PTPRD: variants seen among roughly 807,000 people sequenced by gnomAD.
PTPRD encodes receptor-type tyrosine-protein phosphatase delta.
Under a neutral mutation model 214.5 loss-of-function variants are expected in PTPRD, and 34 were observed. That is an observed-to-expected ratio of 0.16 (90% CI 0.12 to 0.21). PTPRD has a LOEUF of 0.21. PTPRD is among the 10% of genes least tolerant of loss of function. PTPRD has a pLI of 1.00. For missense variants in PTPRD, 2,545 were observed against 2,398.7 expected, an observed-to-expected ratio of 1.06 and a Z score of -1.27; for synonymous variants, 1,128 against 845.7, an observed-to-expected ratio of 1.33 and a Z score of -5.79.
chr9:8,565,648 C>T (rs1159029258), intron 14 of PTPRD, among the ~76,000 whole-genome samples: 3 of 151,976 alleles, frequency 2.0e-5, no homozygotes, highest in African/African-American at 7.3e-5. Flanking sequence ...CTAAAATGGA[C>T]ATCAAGAGGA....
chr9:9,597,181 TCC>T (rs1243853558), intron 7 of PTPRD, among the ~76,000 whole-genome samples: 1 of 151,816 alleles, frequency 6.6e-6, no homozygotes, highest in Non-Finnish European at 1.5e-5. Flanking sequence ...ATAAAAATCA[TCC>T]TTAAAACAGA....
rs148173779 is a variant in PTPRD, at chr9:10,467,313, G to A, written c.-599-126296C>T. 4.8e-3 allele frequency among the ~76,000 whole-genome samples: 737 copies of A among 152,296 alleles called. 4 individuals are homozygous for A. Among genetic ancestry groups the A allele is most frequent in the Middle Eastern group, 0.014 (4 of 294 alleles). ...TTGTTTTAAGAATCTGTAACAATTT[G>A]CTTGTGAAATATCTGCATAATTCCT... On this transcript the variant is annotated intron_variant, in intron 2 of 45. Transcript: ENST00000381196.
chr9:10,475,691 G>C (rs1030834619), intron 2 of PTPRD, among the ~76,000 whole-genome samples: 1 of 152,028 alleles, frequency 6.6e-6, no homozygotes, highest in Admixed American at 6.6e-5. Flanking sequence ...GAAAATTTCA[G>C]GCCAATATCC....
intron 11 of PTPRD, among the ~76,000 whole-genome samples, chr9:8,913,468 C>G (rs1402661069): frequency 1.3e-5 from 2 of 152,038 alleles, no homozygotes; most frequent in Non-Finnish European, 2.9e-5. Context: ...CCTCAAAAAT[C>G]AAGCAAAGTA....
intron 5 of PTPRD, among the ~76,000 whole-genome samples, chr9:9,872,975 A>C (rs574934336): frequency 1.3e-5 from 2 of 152,268 alleles, no homozygotes; most frequent in South Asian, 4.1e-4. Context: ...ATCAATGTCT[A>C]AGCACTTTAC....
intron 4 of PTPRD, among the ~76,000 whole-genome samples, chr9:9,994,078 G>A (rs73643842): frequency 0.025 from 3,736 of 152,222 alleles, 163 homozygotes; most frequent in African/African-American, 0.085. Context: ...GATACAGAAA[G>A]ATTAATTTAA....
At chr9:9,052,866 G>C (rs190301542) in intron 10 of PTPRD, among the ~76,000 whole-genome samples, 111 of 152,230 alleles carry the variant, frequency 7.3e-4, no homozygotes, top group African/African-American at 2.6e-3. Context: ...AAGTAGCATT[G>C]AAAGTGAATG....
chr9:9,923,904 T>A (rs947716250), intron 5 of PTPRD, among the ~76,000 whole-genome samples: 1 of 151,936 alleles, frequency 6.6e-6, no homozygotes, highest in Non-Finnish European at 1.5e-5. Flanking sequence ...CAGGGAGTCT[T>A]AGAGAGCAAC....
intron 11 of PTPRD, among the ~76,000 whole-genome samples, chr9:8,793,766 T>G (rs755287699): frequency 1.3e-5 from 2 of 152,160 alleles, no homozygotes; most frequent in Non-Finnish European, 1.5e-5. Flanking sequence ...AGTGCTTTAT[T>G]TGGATATTAG....
At chr9:9,654,095 G>A (rs1181566480) in intron 7 of PTPRD, among the ~76,000 whole-genome samples, 1 of 152,076 alleles carries the variant, frequency 6.6e-6, no homozygotes, top group Non-Finnish European at 1.5e-5. Context: ...GCTGGGTTCT[G>A]ATAATTCATT....
intron 12 of PTPRD, among the ~76,000 whole-genome samples, chr9:8,728,837 G>A (rs577037278): frequency 5.8e-4 from 88 of 151,916 alleles, no homozygotes; most frequent in African/African-American, 1.8e-3. Context: ...AAAATTAGCC[G>A]GGCATGGTGG....
chr9:10,099,967 T>G (rs1477138493), intron 3 of PTPRD, among the ~76,000 whole-genome samples: 1 of 151,748 alleles, frequency 6.6e-6, no homozygotes, highest in Non-Finnish European at 1.5e-5. Flanking sequence ...TTGAAATTCA[T>G]CCAGCATATA....
At chr9:8,481,003 G>C (rs1311662315) in intron 30 of PTPRD, among the ~76,000 whole-genome samples, 2 of 151,970 alleles carry the variant, frequency 1.3e-5, no homozygotes, top group Non-Finnish European at 2.9e-5. Context: ...AGCCAGGCGT[G>C]GTGGTGGGCT....
In PTPRD at chr9:9,452,338, T is replaced by C. The variant is rs956993116; in HGVS notation, c.-236-54856A>G. Among the ~76,000 whole-genome samples, 4 of 151,616 alleles carry C rather than the reference T, an allele frequency of 2.6e-5. No homozygotes were observed. The East Asian group carries it at 5.8e-4, about 22-fold the overall frequency. On this transcript the variant is annotated intron_variant, in intron 8 of 45. Coordinates refer to ENST00000381196, the MANE Select transcript of PTPRD (RefSeq NM_002839.4). ...ATATCTTTTAAAACTGAGAACAAAG[T>C]AGTAGAGTTTACTACCAATCATTTC...
At chr9:10,204,216 G>A (rs2099453225) in intron 3 of PTPRD, among the ~76,000 whole-genome samples, 1 of 152,028 alleles carries the variant, frequency 6.6e-6, no homozygotes. Flanking sequence ...TGTACAGCAA[G>A]CTGTCAGATT....
chr9:8,373,612 GGTGTGTGTGT>G (rs36212158), intron 39 of PTPRD, among the ~76,000 whole-genome samples: 7,851 of 141,450 alleles, frequency 0.056, 240 homozygotes, highest in South Asian at 0.16. Context: ...CATGGATGCG[GGTGTGTGTGT>G]GTGTGTGTGT....
intron 11 of PTPRD, among the ~76,000 whole-genome samples, chr9:8,982,354 T>G (rs2154341082): frequency 6.6e-6 from 1 of 152,140 alleles, no homozygotes; most frequent in Non-Finnish European, 1.5e-5. Context: ...AAACTTCATT[T>G]ATTTCCCTCT....
At chr9:9,737,138 T>G (rs1004940023) in intron 6 of PTPRD, among the ~76,000 whole-genome samples, 1 of 152,060 alleles carries the variant, frequency 6.6e-6, no homozygotes, top group Admixed American at 6.6e-5. Flanking sequence ...CCAGCAAAAT[T>G]TATTGAAAAT....
At position 8,484,617 on chromosome 9, in the gene PTPRD, C is replaced by T. The variant is rs112002594; in HGVS notation, c.3154-239G>A. On this transcript the variant is annotated intron_variant, in intron 29 of 45. Transcript: ENST00000381196. ...AAAAATACACAAAGATAGATATATACATATATATATATAGAAAATAACTTA... is the reference window on the plus strand; with the variant it reads ...AAAAATACACAAAGATAGATATATATATATATATATATAGAAAATAACTTA... 2.3e-3 allele frequency among the ~76,000 whole-genome samples: 340 copies of T among 147,526 alleles called. 2 individuals are homozygous for T. Among genetic ancestry groups the T allele is most frequent in the African/African-American group, 8.0e-3 (314 of 39,042 alleles).
Sources: allele counts gnomAD v4.1 joint callset (sites outside exome capture counted in the v4.1 genomes callset), GRCh38; gene constraint gnomAD v4.1.1; transcripts MANE v1.5; gene names NCBI Gene and HGNC (gene_info 2026-07-23, HGNC 2026-07-21).